Variants in MICAL3 observed in about 807,000 individuals in gnomAD.
MICAL3 encodes [F-actin]-monooxygenase MICAL3.
MICAL3 carries 62 observed loss-of-function variants against 207.4 expected under a neutral mutation model. The ratio of observed to expected loss-of-function variants is 0.30; its 90% CI spans 0.24 to 0.37. The LOEUF is 0.37. MICAL3 is among the 10% of genes least tolerant of loss of function. The pLI, the probability that MICAL3 is intolerant of heterozygous loss-of-function variation, is 1.00. For missense variants in MICAL3, 2,368 were observed against 2,635.6 expected (o/e 0.90, Z 2.22); for synonymous variants, 1,077 against 1,069.3 (o/e 1.01, Z -0.14).
chr22:17,797,307 C>T (rs762876667), intron 29 of MICAL3, among the ~76,000 whole-genome samples: 7 of 152,098 alleles, frequency 4.6e-5, no homozygotes, highest in South Asian at 2.1e-4. Flanking sequence ...TCGAGACCAG[C>T]CTGGGCAATG....
chr22:17,869,567 G>C (rs776233856), intron 17 of MICAL3, among the ~76,000 whole-genome samples: 8 of 150,776 alleles, frequency 5.3e-5, no homozygotes, highest in Non-Finnish European at 1.2e-4. Flanking sequence ...CAGCAGCTCT[G>C]TGTTTGAGCA....
chr22:17,991,372 C>T (rs1225334108), intron 1 of MICAL3, among the ~76,000 whole-genome samples: 1 of 152,204 alleles, frequency 6.6e-6, no homozygotes, highest in African/African-American at 2.4e-5. Context: ...TTTTTAAATT[C>T]CTACAGAAGG....
intron 21 of MICAL3, among the ~76,000 whole-genome samples, chr22:17,830,836 C>A (rs537349826): frequency 2.6e-5 from 4 of 152,222 alleles, no homozygotes; most frequent in Admixed American, 2.0e-4. Flanking sequence ...CCCAACGGTG[C>A]GGTTCCTTCT....
Position 17,950,331 on chromosome 22 carries a change from G to GTT in MICAL3, c.-74-43447_-74-43446dup, listed in dbSNP as rs1363364325. Among the ~76,000 whole-genome samples the GTT allele has an allele frequency of 6.4e-4, 62 of 97,492 alleles. 1 individual carries two copies. The highest frequency in any genetic ancestry group is 2.3e-3 in the African/African-American group (56 of 23,868). The allele number at this position is 97,492 out of a possible 152,430, so 64.0% of individuals were successfully genotyped here. On this transcript the variant is annotated intron_variant, in intron 1 of 31. Transcript: ENST00000441493. Reference sequence around the variant, plus strand: ...CGCCTGCCACCACATCTGGCGTTTTGTTTTTGTTTTTTTTTTTTTTTTTTT... The same window carrying GTT: ...CGCCTGCCACCACATCTGGCGTTTTGTTTTTTTGTTTTTTTTTTTTTTTTTTT...
At chr22:17,968,456 A>T (rs1389733477) in intron 1 of MICAL3, among the ~76,000 whole-genome samples, 3 of 152,150 alleles carry the variant, frequency 2.0e-5, no homozygotes, top group Admixed American at 2.0e-4. Context: ...GCAGACTCAA[A>T]CCGGAGACCT....
In MICAL3 at chr22:17,889,138, A is replaced by T. The variant is rs1444007268; in HGVS notation, c.1787T>A (p.Met596Lys). The T allele has an allele frequency of 1.2e-6, 2 of 1,613,898 alleles. No individual in the cohort carries two copies. Among genetic ancestry groups the T allele is most frequent in the Non-Finnish European group, 1.7e-6 (2 of 1,179,756 alleles). ...CACGGAGGCCATTTCTTTGCCTGTCATGATGGGAGAAATGCCCAATTCCTT... is the reference window on the plus strand; with the variant it reads ...CACGGAGGCCATTTCTTTGCCTGTCTTGATGGGAGAAATGCCCAATTCCTT... ...AEKELGISPI[M>K]TGKEMASVGE... The change falls in exon 13 of 32, where the codon ATG becomes AAG. Residue 596 changes from methionine (M) to lysine (K), a missense_variant. This residue lies in a region of MICAL3 where 51 missense variants were observed against 87.8 expected (regional missense o/e 0.58). Coordinates refer to ENST00000441493, the MANE Select transcript of MICAL3 (RefSeq NM_015241.3).
intron 1 of MICAL3, among the ~76,000 whole-genome samples, chr22:17,937,820 C>A (rs549747178): frequency 6.6e-6 from 1 of 152,272 alleles, no homozygotes; most frequent in South Asian, 2.1e-4. Context: ...TTCATGAGTT[C>A]CTGGGAGTGA....
At chr22:18,008,300 C>T (rs1292127053) in intron 1 of MICAL3, among the ~76,000 whole-genome samples, 2 of 152,254 alleles carry the variant, frequency 1.3e-5, no homozygotes, top group East Asian at 3.9e-4. Flanking sequence ...TTCCAAATAG[C>T]ACACCCGTGA....
At chr22:17,990,117 A>C (rs1338022977) in intron 1 of MICAL3, among the ~76,000 whole-genome samples, 1 of 152,226 alleles carries the variant, frequency 6.6e-6, no homozygotes, top group Non-Finnish European at 1.5e-5. Flanking sequence ...CTAATAAAAA[A>C]AAAATGCAAA....
At chr22:17,831,174 C>T (rs544592584) in intron 21 of MICAL3, among the ~76,000 whole-genome samples, 5 of 152,284 alleles carry the variant, frequency 3.3e-5, no homozygotes, top group African/African-American at 9.6e-5. Flanking sequence ...GCCCTGGCTC[C>T]GTCTTCACCA....
chr22:17,993,833 C>G (rs7284884), intron 1 of MICAL3, among the ~76,000 whole-genome samples: 48,035 of 151,316 alleles, frequency 0.32, 8,645 homozygotes, highest in African/African-American at 0.49. Flanking sequence ...AGACAGGAAG[C>G]GGTGACCCCC....
chr22:17,803,752 C>T (rs1188156537), intron 29 of MICAL3: 17 of 843,024 alleles, frequency 2.0e-5, no homozygotes, highest in East Asian at 2.4e-4. Flanking sequence ...GACTGGGAAG[C>T]GTGGGTGGAG....
At chr22:17,931,918 T>C (rs932761267) in intron 1 of MICAL3, among the ~76,000 whole-genome samples, 1 of 152,242 alleles carries the variant, frequency 6.6e-6, no homozygotes, top group African/African-American at 2.4e-5. Flanking sequence ...TATGTCAAGA[T>C]CCGTGCTTGC....
chr22:17,986,065 C>A (rs967248542), intron 1 of MICAL3, among the ~76,000 whole-genome samples: 2 of 152,154 alleles, frequency 1.3e-5, no homozygotes, highest in Admixed American at 1.3e-4. Flanking sequence ...CGCCACCATG[C>A]CCAGCTAATT....
intron 2 of MICAL3, 103 bp downstream of exon 2, chr22:17,906,446 G>T: frequency 1.2e-6 from 2 of 1,603,274 alleles, no homozygotes; most frequent in South Asian, 1.1e-5. Context: ...TTGGCACCCA[G>T]ACCTTGTAGA....
At chr22:17,923,997 C>A (rs1932856415) in intron 1 of MICAL3, among the ~76,000 whole-genome samples, 2 of 152,140 alleles carry the variant, frequency 1.3e-5, no homozygotes, top group African/African-American at 4.8e-5. Context: ...CACATGGCAG[C>A]AACAAGGAGA....
At chr22:17,985,379 T>C (rs1345448430) in intron 1 of MICAL3, among the ~76,000 whole-genome samples, 1 of 152,040 alleles carries the variant, frequency 6.6e-6, no homozygotes, top group Non-Finnish European at 1.5e-5. Flanking sequence ...TAACCTCTAC[T>C]CCCTCTGCTT....
At chr22:17,984,340 C>T (rs1422129316) in intron 1 of MICAL3, among the ~76,000 whole-genome samples, 2 of 152,256 alleles carry the variant, frequency 1.3e-5, no homozygotes, top group Non-Finnish European at 2.9e-5. Flanking sequence ...CTGCGCTCGA[C>T]ACATACCATA....
At chr22:17,875,083 G>A (rs1199241151) in intron 16 of MICAL3, 1 of 157,050 alleles carries the variant, frequency 6.4e-6, no homozygotes, top group Non-Finnish European at 1.4e-5. Context: ...TAATTACATT[G>A]TGGTTCCTAC....
Sources: gnomAD v4.1 joint callset for allele counts (sites outside exome capture counted in the v4.1 genomes callset) on GRCh38, gnomAD v4.1.1 for gene constraint, gnomAD v4.1.1 regional missense constraint, MANE v1.5 for transcripts, NCBI Gene and HGNC (gene_info 2026-07-23, HGNC 2026-07-21) for gene names.